Variants in CHRNA6 observed in about 807,000 individuals in gnomAD.
The protein encoded by CHRNA6 is cholinergic receptor nicotinic alpha 6 subunit, also known as neuronal acetylcholine receptor subunit alpha-6.
A neutral mutation model predicts 40.9 loss-of-function variants in CHRNA6; 31 were observed. The observed-to-expected ratio is 0.76, with a 90% confidence interval of 0.57 to 1.02. The LOEUF (loss-of-function observed/expected upper bound fraction) is 1.02. Among genes scored for constraint, CHRNA6 ranks in the 50% least tolerant of loss-of-function variants. The probability of loss-of-function intolerance (pLI) is 0.00; values close to 1 mark genes in which losing one functional copy is unlikely to be tolerated. For missense variants in CHRNA6, 546 were observed against 596.6 expected (o/e 0.92, Z 0.88); for synonymous variants, 222 against 221.3 (o/e 1.00, Z -0.03).
chr8:42,753,419 C>T (rs544894999), intron 5 of CHRNA6, 109 bp from the exon 6 acceptor site: 9 of 1,082,196 alleles, frequency 8.3e-6, no homozygotes, highest in African/African-American at 4.7e-5. Context: ...TTCTCCGGCA[C>T]GTTTTAAAGC....
intron 2 of CHRNA6, among the ~76,000 whole-genome samples, chr8:42,760,666 G>T (rs1816891964): frequency 2.6e-5 from 4 of 152,148 alleles, no homozygotes; most frequent in Admixed American, 2.6e-4. Context: ...GCACACATGT[G>T]CACATGATCT....
intron 5 of CHRNA6, among the ~76,000 whole-genome samples, chr8:42,753,538 G>C (rs1306146545): frequency 2.0e-5 from 3 of 152,114 alleles, no homozygotes; most frequent in African/African-American, 7.2e-5. Flanking sequence ...GCCAGGAATG[G>C]TGGCATGTGC....
At chr8:42,758,369 TTTTG>T (rs1202554718) in intron 3 of CHRNA6, among the ~76,000 whole-genome samples, 1 of 151,354 alleles carries the variant, frequency 6.6e-6, no homozygotes, top group Non-Finnish European at 1.5e-5. Context: ...TTTTGTTTTG[TTTTG>T]TTTTCAAGAC....
intron 5 of CHRNA6, among the ~76,000 whole-genome samples, chr8:42,755,184 A>T (rs1477252952): frequency 7.3e-6 from 1 of 137,164 alleles, no homozygotes; most frequent in Non-Finnish European, 1.6e-5. Context: ...ACGCCTGCTA[A>T]TTTTTTTTTT....
chr8:42,759,031 T>C (rs1816854602), intron 3 of CHRNA6, 38 bp downstream of exon 3: 2 of 1,539,780 alleles, frequency 1.3e-6, no homozygotes, highest in Non-Finnish European at 9.0e-7. Flanking sequence ...TTTTATCCAT[T>C]CAACATCATT....
intron 3 of CHRNA6, among the ~76,000 whole-genome samples, chr8:42,758,396 T>A (rs1382103985): frequency 6.6e-6 from 1 of 152,040 alleles, no homozygotes; most frequent in Non-Finnish European, 1.5e-5. Context: ...AGTCTCGCTC[T>A]GTTGCCCATG....
Position 42,756,729 on chromosome 8 carries a change from G to T in CHRNA6, c.470C>A (p.Ser157Tyr), listed in dbSNP as rs775552140. 6.2e-7 allele frequency: 1 copy of T among 1,613,836 alleles called. No homozygotes were observed. Among genetic ancestry groups the T allele is most frequent in the African/African-American group, 1.3e-5 (1 of 74,930 alleles). The change falls in exon 5 of 6, where the codon TCC becomes TAC. Residue 157 changes from serine (S) to tyrosine (Y), a missense_variant. This residue lies in a region of CHRNA6 where 476 missense variants were observed against 494.5 expected (regional missense o/e 0.96). Transcript: ENST00000276410. ...GAAAAAGGTGATATCCATAGGGCAGGAACTCTTAAAAATAGCTGGTGGAGT... is the reference window on the plus strand; with the variant it reads ...GAAAAAGGTGATATCCATAGGGCAGTAACTCTTAAAAATAGCTGGTGGAGT... The part of the protein sequence containing the change: ...TWTPPAIFKS[S>Y]CPMDITFFPF...
At chr8:42,760,715 A>G (rs1816892462) in intron 2 of CHRNA6, among the ~76,000 whole-genome samples, 1 of 152,218 alleles carries the variant, frequency 6.6e-6, no homozygotes, top group Admixed American at 6.6e-5. Flanking sequence ...GGGATGGGCA[A>G]AGAAGGCTTC....
chr8:42,756,424 C>A lies in CHRNA6; in HGVS notation c.775G>T (p.Val259Leu), dbSNP rs373928428. Residue 259 changes from valine (V) to leucine (L), a missense_variant, in exon 5 of 6, where the codon GTG (valine) becomes TTG (leucine). Coordinates refer to ENST00000276410, the MANE Select transcript of CHRNA6 (RefSeq NM_004198.3). ...IPCLFISFLT[V>L]LVFYLPSDCG... ...TCCGAAGGAAGGTAAAAGACCAACACGGTTAGAAATGAAATAAAGAGACAA... is the reference window on the plus strand; with the variant it reads ...TCCGAAGGAAGGTAAAAGACCAACAAGGTTAGAAATGAAATAAAGAGACAA... The A allele has an allele frequency of 1.9e-6, 3 of 1,614,172 alleles. No individual in the cohort carries two copies. The highest frequency in any genetic ancestry group is 2.5e-6 in the Non-Finnish European group (3 of 1,180,038).
intron 1 of CHRNA6, among the ~76,000 whole-genome samples, chr8:42,766,550 A>C (rs996560440): frequency 6.6e-6 from 1 of 151,830 alleles, no homozygotes; most frequent in African/African-American, 2.4e-5. Flanking sequence ...ATGCAATACT[A>C]TGCAACCATA....
rs1215806027 is a variant in CHRNA6 at position 42,756,151 on chromosome 8, G to A, written c.1048C>T (p.Pro350Ser). 6.2e-7 allele frequency: 1 copy of A among 1,614,280 alleles called. No individual in the cohort carries two copies. Among genetic ancestry groups the A allele is most frequent in the Non-Finnish European group, 8.5e-7 (1 of 1,180,052 alleles). The change falls in exon 5 of 6, where the codon CCC becomes TCC. Residue 350 changes from proline (P) to serine (S), a missense_variant. By Grantham distance (74) the Pro-to-Ser change is moderately conservative. Coordinates refer to ENST00000276410, the MANE Select transcript of CHRNA6 (RefSeq NM_004198.3). ...GGCCACCTCATCAGCAGGACCTGGG[G>A]CAGCAGCTTCAGGAAAACTGTCTTC... ...WVKTVFLKLL[P>S]QVLLMRWPLD... is the part of the protein sequence containing the mutation.
At chr8:42,758,402 C>T (rs535372854) in intron 3 of CHRNA6, among the ~76,000 whole-genome samples, 1 of 151,726 alleles carries the variant, frequency 6.6e-6, no homozygotes, top group Admixed American at 6.6e-5. Flanking sequence ...GCTCTGTTGC[C>T]CATGCTGGAA....
chr8:42,764,974 T>TCTCGGTGG, intron 2 of CHRNA6, 91 bp downstream of exon 2: 2 of 1,406,160 alleles, frequency 1.4e-6, no homozygotes, highest in Non-Finnish European at 9.8e-7. Flanking sequence ...CTCGTGTAGA[T>TCTCGGTGG]TTGCATCTAT....
intron 2 of CHRNA6, among the ~76,000 whole-genome samples, chr8:42,763,781 A>G (rs1816936945): frequency 6.6e-6 from 1 of 152,172 alleles, no homozygotes; most frequent in African/African-American, 2.4e-5. Flanking sequence ...CAGCCAGTGC[A>G]TGCACACTTT....
rs563938068 is a variant in CHRNA6 at position 42,759,278 on chromosome 8, G to T, written c.220-165C>A. ...CATTCAGCATGCAAGCAGAAATGCC[G>T]CATTTTCACATCTGGCTCCAGCCCT... On this transcript the variant is annotated intron_variant, in intron 2 of 5. Transcript: ENST00000276410. The T allele has an allele frequency of 2.4e-4, 145 of 601,878 alleles. 3 individuals are homozygous for T. The highest frequency in any genetic ancestry group is 2.3e-3 in the Middle Eastern group (8 of 3,450). 37.3% of individuals were successfully genotyped at this position (601,878 alleles called of 1,614,324 possible).
rs1816999896 is a variant in CHRNA6, at chr8:42,768,349, T to C, written c.79+3A>G. The C allele has an allele frequency of 1.2e-6, 2 of 1,609,026 alleles. No individual in the cohort carries two copies. Among genetic ancestry groups the C allele is most frequent in the African/African-American group, 2.7e-5 (2 of 74,836 alleles). ...TAGAAGATAAAGCAGAAATGAAACC[T>C]ACCTTTAAAGAAAGGTGTGAACACA... On this transcript the variant is annotated splice_donor_region_variant and intron_variant, in intron 1 of 5. Transcript: ENST00000276410.
chr8:42,760,444 G>A (rs1586426880), intron 2 of CHRNA6, among the ~76,000 whole-genome samples: 1 of 145,398 alleles, frequency 6.9e-6, no homozygotes, highest in Admixed American at 7.2e-5. Flanking sequence ...ACACTCGTAC[G>A]TGTGCACTCA....
In CHRNA6 at chr8:42,753,234, A is replaced by G. The variant is rs778121297; in HGVS notation, c.1430T>C (p.Phe477Ser). 5.0e-6 allele frequency: 8 copies of G among 1,612,148 alleles called. 1 individual carries two copies. In the South Asian group the frequency reaches 8.8e-5, roughly 18 times the overall value. ...CTGTAGAAATAGCCCTGCAGTTCCA[A>G]ATACACAGACAATTATAAATACCCA... is the stretch of plus-strand genomic sequence containing the variant. ...FLWVFIIVCV[F>S]GTAGLFLQPL... The change falls in exon 6 of 6, where the codon TTT becomes TCT. Residue 477 changes from phenylalanine (F) to serine (S), a missense_variant. Physicochemically the swap from Phe to Ser is radical, Grantham distance 155. Around this residue, in one of 3 missense-constraint regions of CHRNA6, gnomAD observed 65 missense variants for 83.8 expected, o/e 0.78. Transcript: ENST00000276410.
intron 1 of CHRNA6, among the ~76,000 whole-genome samples, chr8:42,767,985 G>A (rs1442627124): frequency 6.6e-6 from 1 of 152,130 alleles, no homozygotes; most frequent in Non-Finnish European, 1.5e-5. Context: ...CATTGACTGA[G>A]TAATAGTATC....
Sources: gnomAD v4.1 joint callset for allele counts (sites outside exome capture counted in the v4.1 genomes callset) on GRCh38, gnomAD v4.1.1 for gene constraint, gnomAD v4.1.1 regional missense constraint, MANE v1.5 for transcripts, NCBI Gene and HGNC (gene_info 2026-07-23, HGNC 2026-07-21) for gene names.